Variants in PPP2R5B observed in about 807,000 individuals in gnomAD.
PPP2R5B encodes the protein serine/threonine-protein phosphatase 2A 56 kDa regulatory subunit beta isoform.
Under a neutral mutation model 59.9 loss-of-function variants are expected in PPP2R5B, and 19 were observed. That is an observed-to-expected ratio of 0.32 (90% CI 0.22 to 0.47). The LOEUF is 0.47. PPP2R5B is among the 20% of genes least tolerant of loss of function. The pLI, the probability that PPP2R5B is intolerant of heterozygous loss-of-function variation, is 1.00. For synonymous variants in PPP2R5B, 286 were observed against 260.5 expected (o/e 1.10, Z -0.94); for missense variants, 441 against 640.2 (o/e 0.69, Z 3.36).
chr11:64,928,139 A>G lies in PPP2R5B; in HGVS notation c.572A>G (p.Asp191Gly). The stretch of plus-strand genomic sequence containing the variant: ...CCCTCCGTGGCCAAGAGATATGTGG[A>G]TCAAAAGTTTGTCCTGATGGTGAAG... ...FQPSVAKRYVDQKFVLMLLEL... is the reference protein window; with the variant it reads ...FQPSVAKRYVGQKFVLMLLEL... Residue 191 changes from aspartate (D) to glycine (G), a missense_variant, in exon 5 of 14, where the codon GAT becomes GGT. Asp to Gly is a moderately conservative substitution (Grantham distance 94). This residue lies in a region of PPP2R5B where 268 missense variants were observed against 488.1 expected (regional missense o/e 0.55). Transcript: ENST00000164133. 2.5e-6 allele frequency: 4 copies of G among 1,614,168 alleles called. No individual in the cohort carries two copies. The highest frequency in any genetic ancestry group is 3.4e-6 in the Non-Finnish European group (4 of 1,180,018).
At chr11:64,932,970 C>G (rs1945243783) in intron 12 of PPP2R5B, 78 bp downstream of exon 12, 15 of 1,577,984 alleles carry the variant, frequency 9.5e-6, no homozygotes, top group Non-Finnish European at 1.2e-5. Flanking sequence ...CAGGGTTACT[C>G]CTAGCTGGAG....
At position 64,926,779 on chromosome 11, in the gene PPP2R5B, C is replaced by T; in HGVS notation, c.267C>T (p.Asp89=). The T allele has an allele frequency of 6.2e-7, 1 of 1,614,232 alleles. No individual in the cohort carries two copies. Among genetic ancestry groups the T allele is most frequent in the Non-Finnish European group, 8.5e-7 (1 of 1,180,032 alleles). The change falls in exon 3 of 14, where the codon GAC becomes GAT. Residue 89 remains aspartate, a synonymous_variant. Transcript: ENST00000164133. The part of the protein sequence containing the change: ...RKLAQCGVMF[D]FLDCVADLKG... ...TGGCCCAGTGTGGGGTGATGTTTGA[C>T]TTCTTGGACTGTGTGGCCGACCTCA...
chr11:64,932,731 C>A, intron 11 of PPP2R5B, 34 bp from the exon 12 acceptor site: 1 of 1,607,406 alleles, frequency 6.2e-7, no homozygotes, highest in Non-Finnish European at 8.5e-7. Context: ...GAAGCCACTG[C>A]CAGTTAATCA....
In PPP2R5B at chr11:64,925,622, C is replaced by CCT. The variant is rs531227590; in HGVS notation, c.-112_-111insTC. 9 of 550,494 alleles carry CCT rather than the reference C, an allele frequency of 1.6e-5. No homozygotes were observed. Among genetic ancestry groups the CCT allele is most frequent in the South Asian group, 4.1e-5 (2 of 48,596 alleles). The allele number at this position is 550,494 out of a possible 1,614,324, so 34.1% of individuals were successfully genotyped here. A position where few individuals can be genotyped will look rare whatever the true frequency, so the allele number is the denominator to read the frequency against. On this transcript the variant is annotated 5_prime_UTR_variant, in exon 2 of 14. Transcript: ENST00000164133. The surrounding 1 kb of genome is among the most constrained non-coding windows in gnomAD (Gnocchi z 4.6). ...CCCAGGACTGTGGTTGTGCCCCCCC[C>CCT]CCAAAGGCCGGACAGGATGGGACCA...
At position 64,930,353 on chromosome 11, in the gene PPP2R5B, G is replaced by A; in HGVS notation, c.754G>A (p.Val252Met). 6.2e-7 allele frequency: 1 copy of A among 1,614,052 alleles called. No homozygotes were observed. The highest frequency in any genetic ancestry group is 1.7e-5 in the Admixed American group (1 of 60,016). Residue 252 changes from valine (V) to methionine (M), a missense_variant, in exon 7 of 14, where the codon GTG becomes ATG. Physicochemically the swap from Val to Met is conservative, Grantham distance 21. This residue lies in a region of PPP2R5B where 268 missense variants were observed against 488.1 expected (regional missense o/e 0.55). Coordinates refer to ENST00000164133, the MANE Select transcript of PPP2R5B (RefSeq NM_006244.4). The stretch of plus-strand genomic sequence containing the variant: ...CTATGAATTCGAGCACTTCAATGGT[G>A]TGGCTGAGCTGCTGGAGATCCTAGG... ...FIYEFEHFNG[V>M]AELLEILGSI... is the part of the protein sequence containing the mutation.
At chr11:64,918,952 A>G (rs373899684) in intron 1 of PPP2R5B, among the ~76,000 whole-genome samples, 6 of 152,122 alleles carry the variant, frequency 3.9e-5, no homozygotes, top group Non-Finnish European at 7.4e-5. Context: ...GTTTTATCCT[A>G]TGTAACTGGG....
upstream of PPP2R5B, among the ~76,000 whole-genome samples, chr11:64,921,010 A>G (rs992706422): frequency 6.0e-5 from 9 of 150,248 alleles, no homozygotes; most frequent in African/African-American, 2.2e-4. Context: ...GCTGGAGTAC[A>G]GGGGCATGAT....
upstream of PPP2R5B, among the ~76,000 whole-genome samples, chr11:64,922,361 T>A (rs1319331431): frequency 6.6e-6 from 1 of 151,868 alleles, no homozygotes; most frequent in Non-Finnish European, 1.5e-5. Context: ...GGCGTGCATC[T>A]GTGGTTCCAG....
chr11:64,921,414 C>CGG (rs572467759), upstream of PPP2R5B, among the ~76,000 whole-genome samples: 9 of 152,172 alleles, frequency 5.9e-5, no homozygotes, highest in Admixed American at 2.0e-4. Flanking sequence ...TTGCCCAGGC[C>CGG]GGGGGGCATC....
intron 3 of PPP2R5B, among the ~76,000 whole-genome samples, chr11:64,927,551 A>G (rs1334439440): frequency 6.6e-6 from 1 of 152,128 alleles, no homozygotes; most frequent in Non-Finnish European, 1.5e-5. Flanking sequence ...CAAAAATTTA[A>G]AAATTTGCCG....
rs770287329 is a variant in PPP2R5B at position 64,925,622 on chromosome 11, C to T, written c.-113C>T. 17 of 550,406 alleles carry T rather than the reference C, an allele frequency of 3.1e-5. 1 individual carries two copies. The highest frequency in any genetic ancestry group is 6.5e-5 in the Admixed American group (2 of 30,966). 34.1% of individuals were successfully genotyped at this position (550,406 alleles called of 1,614,324 possible). ...CCCAGGACTGTGGTTGTGCCCCCCC[C>T]CCAAAGGCCGGACAGGATGGGACCA... On this transcript the variant is annotated 5_prime_UTR_variant, in exon 2 of 14. Transcript: ENST00000164133. This position sits in a 1 kb window ranked among gnomAD's most constrained non-coding sequence, Gnocchi z 4.6.
Position 64,925,996 on chromosome 11 carries a change from A to T in PPP2R5B, c.199+63A>T. On this transcript the variant is annotated intron_variant, in intron 2 of 13. Coordinates refer to ENST00000164133, the MANE Select transcript of PPP2R5B (RefSeq NM_006244.4). This position sits in a 1 kb window ranked among gnomAD's most constrained non-coding sequence, Gnocchi z 4.6. Reference sequence around the variant, plus strand: ...CGAGGGGACCAGCAGGGCCATGGGGAGGGGTGGGAGGCAGCGGGCAGCTGC... The same window carrying T: ...CGAGGGGACCAGCAGGGCCATGGGGTGGGGTGGGAGGCAGCGGGCAGCTGC... 1 of 1,502,960 alleles carries T rather than the reference A, an allele frequency of 6.7e-7. No individual in the cohort carries two copies. Among genetic ancestry groups the T allele is most frequent in the Non-Finnish European group, 9.0e-7 (1 of 1,106,030 alleles). The allele number at this position is 1,502,960 out of a possible 1,614,324, so 93.1% of individuals were successfully genotyped here.
chr11:64,919,285 G>A (rs552183761), intron 1 of PPP2R5B, among the ~76,000 whole-genome samples: 1 of 152,216 alleles, frequency 6.6e-6, no homozygotes, highest in African/African-American at 2.4e-5. Flanking sequence ...GGAGCTTGTG[G>A]TGAGCCAAGT....
At chr11:64,927,728 A>AAT in intron 3 of PPP2R5B, 74 bp from the exon 4 acceptor site, 1 of 1,127,612 alleles carries the variant, frequency 8.9e-7, no homozygotes, top group Non-Finnish European at 1.3e-6. Context: ...AAAAAAAAAA[A>AAT]GCTTTGAATG....
At chr11:64,919,837 C>A (rs544443909), upstream of PPP2R5B, among the ~76,000 whole-genome samples, 10 of 152,284 alleles carry the variant, frequency 6.6e-5, no homozygotes, top group East Asian at 1.9e-3. Context: ...TCACCATATG[C>A]TCATGAGGGA....
At chr11:64,933,605 C>T (rs765481749) in intron 13 of PPP2R5B, 92 bp from the exon 14 acceptor site, 94 of 1,426,278 alleles carry the variant, frequency 6.6e-5, no homozygotes, top group Admixed American at 3.9e-4. Flanking sequence ...TTCCCTTTGC[C>T]GGTGGGGTGG....
rs1251750146 is a variant in PPP2R5B, at chr11:64,925,733, C to T, written c.-2C>T. 5 of 1,586,924 alleles carry T rather than the reference C, an allele frequency of 3.2e-6. No homozygotes were observed. The highest frequency in any genetic ancestry group is 4.3e-6 in the Non-Finnish European group (5 of 1,162,312). On this transcript the variant is annotated 5_prime_UTR_variant, in exon 2 of 14. Transcript: ENST00000164133. The surrounding 1 kb of genome is among the most constrained non-coding windows in gnomAD (Gnocchi z 4.6). ...GAAAGCTTGCCCTGCCGCCTGACCGCCATGGAGACGAAGCTGCCCCCTGCA... is the reference window on the plus strand; with the variant it reads ...GAAAGCTTGCCCTGCCGCCTGACCGTCATGGAGACGAAGCTGCCCCCTGCA...
upstream of PPP2R5B, among the ~76,000 whole-genome samples, chr11:64,920,660 C>T (rs147193671): frequency 6.9e-3 from 1,025 of 147,988 alleles, 12 homozygotes; most frequent in African/African-American, 0.024. Flanking sequence ...GACGGAGTCT[C>T]GCTCTGTCTC....
At chr11:64,921,443 G>A (rs541923943), upstream of PPP2R5B, among the ~76,000 whole-genome samples, 2 of 152,314 alleles carry the variant, frequency 1.3e-5, no homozygotes, top group South Asian at 2.1e-4. Context: ...CTTAGATTAG[G>A]TGAAAACTCA....
Sources: allele counts gnomAD v4.1 joint callset (sites outside exome capture counted in the v4.1 genomes callset), GRCh38; gene constraint gnomAD v4.1.1; regional missense constraint gnomAD v4.1.1; non-coding constraint Gnocchi (gnomAD v3.1); transcripts MANE v1.5; gene names NCBI Gene and HGNC (gene_info 2026-07-23, HGNC 2026-07-21).